BCL7C: variants seen among roughly 807,000 people sequenced by gnomAD.
The protein encoded by BCL7C is B-cell CLL/lymphoma 7 protein family member C.
In BCL7C, 8 loss-of-function variants were observed where a neutral mutation model predicts 26.2. The observed-to-expected ratio is 0.30, with a 90% CI of 0.18 to 0.55. BCL7C has a LOEUF of 0.55. Among genes scored for constraint, BCL7C ranks in the 20% least tolerant of loss-of-function variants. The pLI, the probability that BCL7C is intolerant of heterozygous loss-of-function variation, is 0.93. For missense variants in BCL7C, 262 were observed against 298.5 expected, an observed-to-expected ratio of 0.88 and a Z score of 0.90; for synonymous variants, 90 against 116.5, an observed-to-expected ratio of 0.77 and a Z score of 1.47.
rs769214350 is a variant in BCL7C, at chr16:30,892,720, G to A, written c.308C>T (p.Ser103Leu). 6.8e-6 allele frequency: 11 copies of A among 1,614,116 alleles called. No homozygotes were observed. Among genetic ancestry groups the A allele is most frequent in the South Asian group, 6.6e-5 (6 of 91,086 alleles). The change falls in exon 4 of 6, where the codon TCG becomes TTG. Residue 103 changes from serine (S) to leucine (L), a missense_variant. Physicochemically the swap from Ser to Leu is moderately radical, Grantham distance 145 (BLOSUM62 -2). Transcript: ENST00000215115. ...NDENSNQSFH[S>L]EGSLQKGTEP... is the part of the protein sequence containing the mutation. Reference sequence around the variant, plus strand: ...TGTGCCCTTTTGCAGGGAACCTTCCGAATGGAAACTCTGGTTGCTGTTCTC... The same window carrying A: ...TGTGCCCTTTTGCAGGGAACCTTCCAAATGGAAACTCTGGTTGCTGTTCTC...
At chr16:30,871,321 A>C (rs111888899) in intron 5 of BCL7C, among the ~76,000 whole-genome samples, 2,207 of 152,322 alleles carry the variant, frequency 0.014, 75 homozygotes, top group African/African-American at 0.05. Context: ...ATACGGATTC[A>C]GATCTGCCTC....
chr16:30,849,842 C>G (rs1308531383), intron 5 of BCL7C, among the ~76,000 whole-genome samples: 2 of 151,806 alleles, frequency 1.3e-5, no homozygotes, highest in Non-Finnish European at 2.9e-5. Context: ...GCAGCCTCCA[C>G]CATGCCTAGC....
chr16:30,853,809 G>T (rs972240114), intron 5 of BCL7C, among the ~76,000 whole-genome samples: 2 of 152,024 alleles, frequency 1.3e-5, no homozygotes, highest in African/African-American at 4.8e-5. Context: ...AATTCCTCAA[G>T]AATTACCTCT....
chr16:30,877,177 C>G (rs371143550), intron 5 of BCL7C, among the ~76,000 whole-genome samples: 11 of 150,640 alleles, frequency 7.3e-5, no homozygotes, highest in Admixed American at 7.3e-4. Context: ...GCACCCCCTA[C>G]CCCCCTACCC....
In BCL7C at chr16:30,893,977, G is replaced by C. The variant is rs573944099; in HGVS notation, c.-33C>G. 1.7e-6 allele frequency: 2 copies of C among 1,194,870 alleles called. No homozygotes were observed. The highest frequency in any genetic ancestry group is 1.6e-5 in the African/African-American group (1 of 62,262). 74.0% of individuals were successfully genotyped at this position (1,194,870 alleles called of 1,614,324 possible). ...GGGCTGGGGCCGGGGCCGAGCCCGC[G>C]GCGGGGCCGCCTCCCGTCCGGCGGG... On this transcript the variant is annotated 5_prime_UTR_variant, in exon 1 of 6. Transcript: ENST00000215115. This position sits in a 1 kb window ranked among gnomAD's most constrained non-coding sequence, Gnocchi z 5.2.
chr16:30,855,545 G>A (rs749239006), intron 5 of BCL7C, among the ~76,000 whole-genome samples: 5 of 152,058 alleles, frequency 3.3e-5, no homozygotes, highest in Non-Finnish European at 5.9e-5. Flanking sequence ...ACCTGGCCCT[G>A]CCCTTCTCAA....
At chr16:30,885,835 G>A (rs2055125322), downstream of BCL7C, among the ~76,000 whole-genome samples, 1 of 152,154 alleles carries the variant, frequency 6.6e-6, no homozygotes, top group Non-Finnish European at 1.5e-5. Context: ...TGCAGCTGCT[G>A]TCGGAAGCAT....
exon 6 of BCL7C, chr16:30,835,004 C>T: frequency 6.5e-7 from 1 of 1,548,740 alleles, no homozygotes; most frequent in Non-Finnish European, 8.7e-7. Context: ...TTGCTGCCTC[C>T]CCCGGGAGCT....
chr16:30,853,542 CTTTCT>C (rs2054694906), intron 5 of BCL7C, among the ~76,000 whole-genome samples: 2 of 152,166 alleles, frequency 1.3e-5, no homozygotes, highest in Non-Finnish European at 2.9e-5. Flanking sequence ...TGGCTTCTTT[CTTTCT>C]TTTATTTTAA....
chr16:30,846,383 G>A (rs538947171), intron 5 of BCL7C, among the ~76,000 whole-genome samples: 6 of 151,226 alleles, frequency 4.0e-5, no homozygotes, highest in South Asian at 2.1e-4. Flanking sequence ...CCACCAACAC[G>A]CCCGGCTAAA....
intron 5 of BCL7C, among the ~76,000 whole-genome samples, chr16:30,843,718 C>A (rs2054616676): frequency 6.6e-6 from 1 of 151,954 alleles, no homozygotes; most frequent in Non-Finnish European, 1.5e-5. Context: ...TGCTGCAGAG[C>A]CTTCTCTCGC....
chr16:30,892,872 C>G lies in BCL7C; in HGVS notation c.248G>C (p.Gly83Ala). 6.2e-7 allele frequency: 1 copy of G among 1,613,098 alleles called. No homozygotes were observed. The highest frequency in any genetic ancestry group is 1.7e-5 in the Admixed American group (1 of 60,016). Residue 83 changes from glycine to alanine, a missense_variant, in exon 3 of 6, where the codon GGG becomes GCG. Transcript: ENST00000215115. ...ERRGRGASPR[G>A]GGPLILLDLN... is the part of the protein sequence containing the mutation. ...ATCCAGCAGGATGAGAGGGCCACCC[C>G]CTCGGGGACTGGCGCCCCTGCCCCG...
intron 5 of BCL7C, among the ~76,000 whole-genome samples, chr16:30,864,899 G>A (rs1438780230): frequency 8.1e-6 from 1 of 123,616 alleles, no homozygotes; most frequent in Non-Finnish European, 1.6e-5. Flanking sequence ...CCCTTAAGAA[G>A]GTACTTTGTC....
At position 30,892,677 on chromosome 16, in the gene BCL7C, G is replaced by A. The variant is rs755799008; in HGVS notation, c.351C>T (p.Gly117=). ...LQKGTEPSPG[G]TPQPSRPVSP... The stretch of plus-strand genomic sequence containing the variant: ...ACACAGGGCGGCTGGGCTGGGGGGT[G>A]CCCCCAGGACTGGGCTCTGTGCCCT... Residue 117 remains glycine, a synonymous_variant, in exon 4 of 6, where the codon GGC becomes GGT. Transcript: ENST00000215115. 2 of 1,613,976 alleles carry A rather than the reference G, an allele frequency of 1.2e-6. No homozygotes were observed. Among genetic ancestry groups the A allele is most frequent in the South Asian group, 1.1e-5 (1 of 91,070 alleles).
At chr16:30,873,602 A>C (rs1327698599) in intron 5 of BCL7C, among the ~76,000 whole-genome samples, 1 of 151,964 alleles carries the variant, frequency 6.6e-6, no homozygotes, top group African/African-American at 2.4e-5. Flanking sequence ...TAATCCCAGC[A>C]TTTGGGGAGG....
At chr16:30,879,884 G>T (rs2055016333) in intron 5 of BCL7C, among the ~76,000 whole-genome samples, 1 of 151,680 alleles carries the variant, frequency 6.6e-6, no homozygotes, top group Non-Finnish European at 1.5e-5. Flanking sequence ...CAGCTACTTG[G>T]GAGGCTGAGG....
Position 30,856,078 on chromosome 16 carries a change from A to G in BCL7C, c.529-20930T>C, listed in dbSNP as rs577570213. Among the ~76,000 whole-genome samples, 750 of 151,414 alleles carry G rather than the reference A, an allele frequency of 5.0e-3. 6 individuals carry two copies. Among genetic ancestry groups the G allele is most frequent in the Non-Finnish European group, 8.5e-3 (576 of 67,836 alleles). On this transcript the variant is annotated intron_variant, in intron 5 of 5. Transcript: ENST00000380317. ...CTCCATCTAAAAAAAAAAAAAAAAA[A>G]AAGAAGAAAGTTATAAATAAAACTT...
In BCL7C at chr16:30,892,831, C is replaced by G; in HGVS notation, c.280+9G>C. ...CCACAGCCCCCCGCGTTTCAGGATC[C>G]CTACCTACCATTAAGATCCAGCAGG... On this transcript the variant is annotated intron_variant, in intron 3 of 5. Transcript: ENST00000215115. The G allele has an allele frequency of 1.9e-6, 3 of 1,613,622 alleles. No homozygotes were observed. Among genetic ancestry groups the G allele is most frequent in the Non-Finnish European group, 2.5e-6 (3 of 1,179,916 alleles).
chr16:30,877,564 C>G (rs1043676065), intron 5 of BCL7C, among the ~76,000 whole-genome samples: 2 of 151,956 alleles, frequency 1.3e-5, no homozygotes, highest in South Asian at 2.1e-4. Context: ...CTCAGCCTCC[C>G]GAGTAGCTGG....
Sources: allele counts gnomAD v4.1 joint callset (sites outside exome capture counted in the v4.1 genomes callset), GRCh38; gene constraint gnomAD v4.1.1; non-coding constraint Gnocchi (gnomAD v3.1); transcripts MANE v1.5; gene names NCBI Gene and HGNC (gene_info 2026-07-23, HGNC 2026-07-21).